Variants in ELAVL2 observed in about 807,000 individuals in gnomAD.
The protein encoded by ELAVL2 is ELAV-like protein 2.
ELAVL2 carries 4 observed loss-of-function variants against 34.6 expected under a neutral mutation model. The observed-to-expected ratio is 0.12, with a 90% CI of 0.06 to 0.26. ELAVL2 has a LOEUF of 0.26. ELAVL2 is among the 10% of genes least tolerant of loss of function. ELAVL2 has a pLI of 1.00. For synonymous variants in ELAVL2, 193 were observed against 154.8 expected, an observed-to-expected ratio of 1.25 and a Z score of -1.83; for missense variants, 432 against 442.8, an observed-to-expected ratio of 0.98 and a Z score of 0.22.
chr9:23,760,403 C>A (rs1205089981), intron 2 of ELAVL2, among the ~76,000 whole-genome samples: 2 of 151,868 alleles, frequency 1.3e-5, no homozygotes, highest in Non-Finnish European at 2.9e-5. Flanking sequence ...TGTGTCATAG[C>A]CCTCAAGTCA....
At chr9:23,764,187 A>C (rs1259547408) in intron 1 of ELAVL2, among the ~76,000 whole-genome samples, 1 of 152,178 alleles carries the variant, frequency 6.6e-6, no homozygotes, top group African/African-American at 2.4e-5. Context: ...AAAGACACTT[A>C]AATCACTACT....
chr9:23,808,364 G>C (rs1488222489), intron 1 of ELAVL2, among the ~76,000 whole-genome samples: 1 of 152,044 alleles, frequency 6.6e-6, no homozygotes, highest in Non-Finnish European at 1.5e-5. Flanking sequence ...CACTACTATA[G>C]TCTTAATACC....
intron 2 of ELAVL2, among the ~76,000 whole-genome samples, chr9:23,757,282 T>G (rs554888221): frequency 7.8e-4 from 119 of 152,092 alleles, no homozygotes; most frequent in Non-Finnish European, 1.5e-3. Context: ...CATCTCTCTA[T>G]AAATTCATCA....
chr9:23,767,549 G>A lies in ELAVL2; in HGVS notation c.-15-5300C>T, dbSNP rs536590289. On this transcript the variant is annotated intron_variant, in intron 1 of 6. Transcript: ENST00000397312. ...TAATCCCAGCACTTTGGGAGGCTGA[G>A]GTAGGTGGACCACTTGAGGTCAGAA... Among the ~76,000 whole-genome samples the A allele has an allele frequency of 2.0e-4, 30 of 152,258 alleles. No individual in the cohort carries two copies. In the South Asian group the frequency reaches 5.6e-3, roughly 28 times the overall value.
rs570350704 is a variant in ELAVL2, at chr9:23,743,102, T to G, written c.230-11977A>C. On this transcript the variant is annotated intron_variant, in intron 2 of 6. Transcript: ENST00000397312. ...GAAATTGAGCTGTACATGGTTAAAG[T>G]TGTAAAGGCTATGGGTCAGATGGGA... is the stretch of plus-strand genomic sequence containing the variant. Among the ~76,000 whole-genome samples the G allele has an allele frequency of 4.6e-5, 7 of 152,282 alleles. No homozygotes were observed. The East Asian group carries it at 1.2e-3, about 25-fold the overall frequency.
rs1329023 is a variant in ELAVL2 at position 23,750,974 on chromosome 9, A to C, written c.229+11032T>G. Reference sequence around the variant, plus strand: ...TTTACACACAGCTATGCCTCCCTTAAACTTTACTTTAAAAGGAGGATTTGA... The same window carrying C: ...TTTACACACAGCTATGCCTCCCTTACACTTTACTTTAAAAGGAGGATTTGA... On this transcript the variant is annotated intron_variant, in intron 2 of 6. Transcript: ENST00000397312. Among the ~76,000 whole-genome samples the C allele has an allele frequency of 1.6e-3, 245 of 152,274 alleles. 1 individual carries two copies. The highest frequency in any genetic ancestry group is 5.7e-3 in the African/African-American group (239 of 41,580).
chr9:23,830,503 G>T (rs576033311), upstream of ELAVL2, among the ~76,000 whole-genome samples: 2 of 151,706 alleles, frequency 1.3e-5, no homozygotes, highest in East Asian at 3.9e-4. Context: ...AAAGACACAT[G>T]AATTGTTCAT....
intron 3 of ELAVL2, among the ~76,000 whole-genome samples, chr9:23,710,313 T>C (rs1357913086): frequency 6.6e-6 from 1 of 152,140 alleles, no homozygotes; most frequent in Non-Finnish European, 1.5e-5. Context: ...CAAAACCATC[T>C]TATGAATTAG....
chr9:23,748,332 G>A (rs1050793578), intron 2 of ELAVL2, among the ~76,000 whole-genome samples: 3 of 152,164 alleles, frequency 2.0e-5, no homozygotes, highest in Non-Finnish European at 2.9e-5. Context: ...GAGGTAACGA[G>A]AAGTAGTCTG....
chr9:23,831,619 C>G, the ELAVL2 span: 1 of 152,250 alleles, frequency 6.6e-6, no homozygotes, highest in African/African-American at 2.4e-5. Flanking sequence ...CGCCAAACTT[C>G]ACGCTTGATA....
chr9:23,739,973 T>C lies in ELAVL2; in HGVS notation c.230-8848A>G, dbSNP rs552841834. On this transcript the variant is annotated intron_variant, in intron 2 of 6. Coordinates refer to ENST00000397312, the MANE Select transcript of ELAVL2 (RefSeq NM_004432.5). Reference sequence around the variant, plus strand: ...AACCACCATGGAGAGCTCCCCATTTTGTCAAGAACGGGAAACTATAAAATT... The same window carrying C: ...AACCACCATGGAGAGCTCCCCATTTCGTCAAGAACGGGAAACTATAAAATT... Among the ~76,000 whole-genome samples, 4 of 152,266 alleles carry C rather than the reference T, an allele frequency of 2.6e-5. No individual in the cohort carries two copies. The East Asian group carries it at 7.7e-4, about 29-fold the overall frequency.
At chr9:23,830,625 C>CACA (rs1554774159), upstream of ELAVL2, among the ~76,000 whole-genome samples, 74 of 142,024 alleles carry the variant, frequency 5.2e-4, no homozygotes, top group East Asian at 3.6e-3. Context: ...CACACACACA[C>CACA]CTTTTTTTTT....
intron 1 of ELAVL2, among the ~76,000 whole-genome samples, chr9:23,819,884 A>T (rs116216415): frequency 6.6e-6 from 1 of 152,252 alleles, no homozygotes; most frequent in Non-Finnish European, 1.5e-5. Context: ...CATAGTTTGC[A>T]AGCGAACTTC....
At chr9:23,702,125 T>C (rs551035229) in intron 4 of ELAVL2, among the ~76,000 whole-genome samples, 1 of 152,270 alleles carries the variant, frequency 6.6e-6, no homozygotes, top group South Asian at 2.1e-4. Context: ...TTAAATAATA[T>C]ATTCAGCTTA....
intron 2 of ELAVL2, among the ~76,000 whole-genome samples, chr9:23,749,668 AC>A (rs1564259762): frequency 2.0e-5 from 3 of 152,126 alleles, no homozygotes; most frequent in Middle Eastern, 3.2e-3. Flanking sequence ...AGGGTGCAGA[AC>A]GTGACTTTTG....
Position 23,797,600 on chromosome 9 carries a change from T to C in ELAVL2, c.-16+28206A>G, listed in dbSNP as rs139927378. On this transcript the variant is annotated intron_variant, in intron 1 of 6. Coordinates refer to ENST00000397312, the MANE Select transcript of ELAVL2 (RefSeq NM_004432.5). ...TTTTTAAAGGACACCAGGTGTACGA[T>C]TTAGGTTTGCCATAATGATATACTT... Among the ~76,000 whole-genome samples, 7 of 152,232 alleles carry C rather than the reference T, an allele frequency of 4.6e-5. No individual in the cohort carries two copies. The East Asian group carries it at 1.2e-3, about 25-fold the overall frequency.
intron 1 of ELAVL2, among the ~76,000 whole-genome samples, chr9:23,803,750 TG>T (rs899638992): frequency 6.7e-6 from 1 of 149,160 alleles, no homozygotes; most frequent in African/African-American, 2.4e-5. Context: ...GCGGGTGGGG[TG>T]GGGGGACAAG....
At chr9:23,756,914 G>A (rs575935500) in intron 2 of ELAVL2, among the ~76,000 whole-genome samples, 37 of 152,128 alleles carry the variant, frequency 2.4e-4, no homozygotes, top group Admixed American at 1.8e-3. Flanking sequence ...GCCCAGGACC[G>A]TGCATTTCTA....
chr9:23,724,372 G>A (rs1415764098), intron 3 of ELAVL2, among the ~76,000 whole-genome samples: 1 of 152,154 alleles, frequency 6.6e-6, no homozygotes, highest in African/African-American at 2.4e-5. Flanking sequence ...TGCCCTTTGA[G>A]AATTCCAATT....
Sources: allele counts gnomAD v4.1 joint callset (sites outside exome capture counted in the v4.1 genomes callset), GRCh38; gene constraint gnomAD v4.1.1; transcripts MANE v1.5; gene names NCBI Gene and HGNC (gene_info 2026-07-23, HGNC 2026-07-21).